TRIM9: variants seen among roughly 807,000 people sequenced by gnomAD.
TRIM9 encodes tripartite motif containing 9, also known as E3 ubiquitin-protein ligase TRIM9.
A neutral mutation model predicts 78.3 loss-of-function variants in TRIM9; 26 were observed. That is an observed-to-expected ratio of 0.33 (90% CI 0.24 to 0.46). The LOEUF (loss-of-function observed/expected upper bound fraction) is 0.46, where lower values mean the gene tolerates loss of function less well. Ranked by LOEUF, TRIM9 falls within the 20% of genes least tolerant of loss-of-function variation. The pLI, the probability that TRIM9 is intolerant of heterozygous loss-of-function variation, is 1.00. For synonymous variants in TRIM9, 398 were observed against 416.5 expected, an observed-to-expected ratio of 0.96 and a Z score of 0.54; for missense variants, 787 against 1,036.4, an observed-to-expected ratio of 0.76 and a Z score of 3.30.
At chr14:51,051,122 C>A (rs921774186) in intron 1 of TRIM9, among the ~76,000 whole-genome samples, 16 of 152,192 alleles carry the variant, frequency 1.1e-4, no homozygotes, top group Admixed American at 8.5e-4. Flanking sequence ...GATGAAAAGT[C>A]ATTGCAGAGT....
chr14:51,044,820 A>G lies in TRIM9; in HGVS notation c.823-19460T>C, dbSNP rs74052596. 2.9e-3 allele frequency among the ~76,000 whole-genome samples: 441 copies of G among 152,322 alleles called. 2 individuals are homozygous for G. The highest frequency in any genetic ancestry group is 0.01 in the African/African-American group (418 of 41,574). Reference sequence around the variant, plus strand: ...AAAATGAATGAGATGGGCTAGATAAATAACTGCCACTCCCACCACTCCCTA... The same window carrying G: ...AAAATGAATGAGATGGGCTAGATAAGTAACTGCCACTCCCACCACTCCCTA... On this transcript the variant is annotated intron_variant, in intron 1 of 12. Coordinates refer to ENST00000684578, the MANE Select transcript of TRIM9 (RefSeq NM_001387360.1).
intron 1 of TRIM9, among the ~76,000 whole-genome samples, chr14:51,035,024 T>C (rs761247217): frequency 2.0e-5 from 3 of 149,596 alleles, no homozygotes; most frequent in Non-Finnish European, 4.5e-5. Context: ...TATGGGAAAA[T>C]ATTTATAACA....
intron 7 of TRIM9, among the ~76,000 whole-genome samples, chr14:50,988,151 T>C (rs769815405): frequency 1.5e-4 from 23 of 152,224 alleles, no homozygotes; most frequent in Non-Finnish European, 2.9e-5. Flanking sequence ...TATTTTTCAC[T>C]AGGTGTGACA....
intron 12 of TRIM9, 101 bp downstream of exon 12, chr14:50,979,286 C>T (rs558372570): frequency 6.0e-4 from 963 of 1,598,502 alleles, no homozygotes; most frequent in Non-Finnish European, 7.6e-4. Context: ...CTGGGCCTTA[C>T]GCTGTCAGCT....
At chr14:51,005,295 C>A (rs546327198) in intron 5 of TRIM9, among the ~76,000 whole-genome samples, 20 of 152,200 alleles carry the variant, frequency 1.3e-4, no homozygotes, top group African/African-American at 4.3e-4. Context: ...ACTCAGGGCT[C>A]TTATATTCAA....
At chr14:51,039,422 T>C (rs1046312516) in intron 1 of TRIM9, among the ~76,000 whole-genome samples, 2 of 152,246 alleles carry the variant, frequency 1.3e-5, no homozygotes, top group East Asian at 1.9e-4. Flanking sequence ...AAATAAACCG[T>C]GTGTATTCAC....
intron 1 of TRIM9, among the ~76,000 whole-genome samples, chr14:51,033,929 C>T (rs909989962): frequency 1.3e-5 from 2 of 152,086 alleles, no homozygotes; most frequent in African/African-American, 2.4e-5. Flanking sequence ...AGAGAATATA[C>T]CCATTGAATG....
chr14:50,997,171 A>G, intron 7 of TRIM9: 1 of 985,368 alleles, frequency 1.0e-6, no homozygotes, highest in East Asian at 1.1e-4. Flanking sequence ...AGCCACAAAT[A>G]CCTCCTTGTA....
intron 6 of TRIM9, 130 bp downstream of exon 6, chr14:51,000,553 G>A: frequency 8.0e-7 from 1 of 1,253,366 alleles, no homozygotes; most frequent in South Asian, 1.5e-5. Flanking sequence ...TCAGGTGAAG[G>A]GCAGGCAGGC....
At chr14:51,034,773 G>T (rs529778058) in intron 1 of TRIM9, among the ~76,000 whole-genome samples, 1 of 152,234 alleles carries the variant, frequency 6.6e-6, no homozygotes, top group Non-Finnish European at 1.5e-5. Flanking sequence ...CATGGATTCT[G>T]GCCCCAAACT....
chr14:50,987,784 A>T (rs12434377), intron 7 of TRIM9, among the ~76,000 whole-genome samples: 8 of 151,750 alleles, frequency 5.3e-5, no homozygotes, highest in Non-Finnish European at 8.8e-5. Context: ...AAAATATTTT[A>T]TTTATTTATT....
At chr14:51,070,832 AT>A (rs2062157999) in intron 1 of TRIM9, among the ~76,000 whole-genome samples, 1 of 152,180 alleles carries the variant, frequency 6.6e-6, no homozygotes, top group Admixed American at 6.5e-5. Context: ...TGGACCAAAT[AT>A]GCACATCTTG....
chr14:51,086,260 C>T (rs945681504), intron 1 of TRIM9, among the ~76,000 whole-genome samples: 7 of 152,168 alleles, frequency 4.6e-5, no homozygotes, highest in Non-Finnish European at 8.8e-5. Context: ...AACTCTGACC[C>T]TGCCAATTAC....
intron 3 of TRIM9, among the ~76,000 whole-genome samples, chr14:51,011,713 C>A (rs965029751): frequency 2.6e-5 from 4 of 152,140 alleles, no homozygotes; most frequent in Admixed American, 6.5e-5. Context: ...CATCCACTTT[C>A]CAAAACAATC....
At chr14:51,081,180 G>C (rs2140306582) in intron 1 of TRIM9, among the ~76,000 whole-genome samples, 1 of 152,230 alleles carries the variant, frequency 6.6e-6, no homozygotes, top group South Asian at 2.1e-4. Flanking sequence ...AATTAAATGA[G>C]AGCAAAGACT....
At chr14:51,001,689 G>C (rs1444645325) in intron 5 of TRIM9, among the ~76,000 whole-genome samples, 2 of 151,928 alleles carry the variant, frequency 1.3e-5, no homozygotes, top group African/African-American at 4.8e-5. Flanking sequence ...TCTTCTGCAC[G>C]TAAGTAGCTA....
chr14:51,057,251 A>T (rs369093861), intron 1 of TRIM9, among the ~76,000 whole-genome samples: 1 of 152,330 alleles, frequency 6.6e-6, no homozygotes, highest in South Asian at 2.1e-4. Context: ...GAGCTAATGA[A>T]TTGTTCTATT....
At chr14:51,031,005 A>G (rs2139864840) in intron 1 of TRIM9, among the ~76,000 whole-genome samples, 1 of 152,094 alleles carries the variant, frequency 6.6e-6, no homozygotes, top group African/African-American at 2.4e-5. Flanking sequence ...AAAGTTAGCC[A>G]GGCATGGTGG....
intron 1 of TRIM9, among the ~76,000 whole-genome samples, chr14:51,074,592 T>C (rs893216566): frequency 2.0e-5 from 3 of 152,234 alleles, no homozygotes; most frequent in Non-Finnish European, 4.4e-5. Flanking sequence ...TAGTCCAAAA[T>C]GGCCTTTTAA....
Sources: allele counts gnomAD v4.1 joint callset (sites outside exome capture counted in the v4.1 genomes callset), GRCh38; gene constraint gnomAD v4.1.1; transcripts MANE v1.5; gene names NCBI Gene and HGNC (gene_info 2026-07-23, HGNC 2026-07-21).